PPP1R12B: variants seen among roughly 807,000 people sequenced by gnomAD.
PPP1R12B encodes protein phosphatase 1 regulatory subunit 12B, also known as myosin phosphatase target subunit 2.
In PPP1R12B, 76 loss-of-function variants were observed where a neutral mutation model predicts 126.1. That is an observed-to-expected ratio of 0.60 (90% CI 0.50 to 0.73). The LOEUF (loss-of-function observed/expected upper bound fraction) is 0.73. Ranked by LOEUF, PPP1R12B falls within the 30% of genes least tolerant of loss-of-function variation. The pLI, the probability that PPP1R12B is intolerant of heterozygous loss-of-function variation, is 0.00. For missense variants in PPP1R12B, 1,052 were observed against 1,205.1 expected, an observed-to-expected ratio of 0.87 and a Z score of 1.88; for synonymous variants, 356 against 434.7, an observed-to-expected ratio of 0.82 and a Z score of 2.25.
chr1:202,563,091 T>G (rs577822048), intron 20 of PPP1R12B, among the ~76,000 whole-genome samples, 169 bp downstream of exon 20: 8 of 152,286 alleles, frequency 5.3e-5, no homozygotes, highest in African/African-American at 1.9e-4. Flanking sequence ...TCCAAAAAAC[T>G]AGATAAAGAC....
Position 202,589,118 on chromosome 1 carries a change from A to G in PPP1R12B, c.*8558A>G, listed in dbSNP as rs1211980459. On this transcript the variant is annotated 3_prime_UTR_variant, in exon 24 of 24. Coordinates refer to ENST00000608999, the MANE Select transcript of PPP1R12B (RefSeq NM_002481.4). ...CATTGTTTAATTCAGGAGATCCAAA[A>G]CTATCCTGTAGTTCCAAACTACAAA... is the stretch of plus-strand genomic sequence containing the variant. 1 of 152,162 alleles carries G rather than the reference A, an allele frequency of 6.6e-6. No individual in the cohort carries two copies. The highest frequency in any genetic ancestry group is 6.5e-5 in the Admixed American group (1 of 15,282). 9.4% of individuals were successfully genotyped at this position (152,162 alleles called of 1,614,324 possible). A position where few individuals can be genotyped will look rare whatever the true frequency, so the allele number is the denominator to read the frequency against.
In PPP1R12B at chr1:202,442,588, G is replaced by C. The variant is rs372485079; in HGVS notation, c.1667+16G>C. ...ACTTGAAAAGGTACCAGGCTCAAAG[G>C]GGGTGGGAGATGTTTCTTTCACTCT... On this transcript the variant is annotated intron_variant, in intron 12 of 23. Transcript: ENST00000608999. The C allele has an allele frequency of 1.7e-5, 28 of 1,600,804 alleles. No homozygotes were observed. The highest frequency in any genetic ancestry group is 2.7e-5 in the African/African-American group (2 of 74,428).
At chr1:202,470,917 A>AAG (rs1675780409) in intron 13 of PPP1R12B, among the ~76,000 whole-genome samples, 1 of 117,108 alleles carries the variant, frequency 8.5e-6, no homozygotes, top group African/African-American at 2.7e-5. Context: ...AAAAAAAAAA[A>AAG]AAAATGAACA....
chr1:202,362,475 C>T (rs931912491), intron 1 of PPP1R12B, among the ~76,000 whole-genome samples: 3 of 152,094 alleles, frequency 2.0e-5, no homozygotes, highest in Admixed American at 6.5e-5. Flanking sequence ...TCACAATTGC[C>T]GTACAGGGCT....
chr1:202,405,424 T>C (rs1377449219), intron 1 of PPP1R12B, among the ~76,000 whole-genome samples: 2 of 152,204 alleles, frequency 1.3e-5, no homozygotes, highest in Admixed American at 1.3e-4. Context: ...ATTACTTATA[T>C]AGAACTATAT....
intron 1 of PPP1R12B, among the ~76,000 whole-genome samples, chr1:202,376,312 A>C (rs1661169782): frequency 6.6e-6 from 1 of 152,224 alleles, no homozygotes; most frequent in Admixed American, 6.5e-5. Context: ...GACCAAGAGA[A>C]CTAGAAGGAG....
chr1:202,472,099 G>C, intron 13 of PPP1R12B: 3 of 1,575,768 alleles, frequency 1.9e-6, no homozygotes, highest in East Asian at 2.2e-5. Flanking sequence ...GGATGAAGGA[G>C]ATCCTTTGTG....
intron 2 of PPP1R12B, chr1:202,417,390 G>C: frequency 2.0e-6 from 2 of 985,424 alleles, no homozygotes; most frequent in Non-Finnish European, 2.4e-6. Flanking sequence ...TAAACATGTG[G>C]AACAAAGGAA....
intron 4 of PPP1R12B, among the ~76,000 whole-genome samples, chr1:202,426,027 C>T (rs1048902916): frequency 6.6e-6 from 1 of 152,198 alleles, no homozygotes; most frequent in Non-Finnish European, 1.5e-5. Flanking sequence ...GCAACGACCT[C>T]TTCTTGTGAC....
intron 13 of PPP1R12B, among the ~76,000 whole-genome samples, chr1:202,487,823 G>C (rs542938652): frequency 6.6e-6 from 1 of 152,168 alleles, no homozygotes; most frequent in South Asian, 2.1e-4. Context: ...GGTCAGGTTG[G>C]TCTCCTACTC....
intron 12 of PPP1R12B, among the ~76,000 whole-genome samples, chr1:202,443,567 G>C (rs936740779): frequency 6.6e-6 from 1 of 152,176 alleles, no homozygotes; most frequent in African/African-American, 2.4e-5. Context: ...TATAAGAAAG[G>C]GCTCAACTTT....
chr1:202,350,814 T>C (rs1048840640), intron 1 of PPP1R12B, among the ~76,000 whole-genome samples: 3 of 151,982 alleles, frequency 2.0e-5, no homozygotes, highest in Non-Finnish European at 2.9e-5. Flanking sequence ...AGAGATGGGC[T>C]TTCACCATGA....
intron 8 of PPP1R12B, among the ~76,000 whole-genome samples, chr1:202,431,916 T>C (rs1670237993): frequency 6.6e-6 from 1 of 152,154 alleles, no homozygotes; most frequent in Admixed American, 6.5e-5. Context: ...TGCTTTAAGT[T>C]CAAGACAGCT....
chr1:202,489,695 G>A (rs1230072144), intron 14 of PPP1R12B, among the ~76,000 whole-genome samples: 2 of 152,172 alleles, frequency 1.3e-5, no homozygotes, highest in Admixed American at 6.5e-5. Flanking sequence ...TGCCAGGGCT[G>A]GGGGGAAGGC....
At chr1:202,564,667 A>G in intron 21 of PPP1R12B, 120 bp downstream of exon 21, 4 of 692,436 alleles carry the variant, frequency 5.8e-6, no homozygotes, top group Admixed American at 5.8e-5. Context: ...TCTCGGGGCA[A>G]TGAGATAGAA....
At chr1:202,471,575 GTTTTT>G (rs71142533) in intron 13 of PPP1R12B, among the ~76,000 whole-genome samples, 1 of 113,686 alleles carries the variant, frequency 8.8e-6, no homozygotes, top group African/African-American at 3.4e-5. Flanking sequence ...GACTTAAAAT[GTTTTT>G]TTTTTTTTTT....
chr1:202,572,467 G>T (rs1455381506), intron 23 of PPP1R12B, among the ~76,000 whole-genome samples: 1 of 152,244 alleles, frequency 6.6e-6, no homozygotes, highest in African/African-American at 2.4e-5. Flanking sequence ...TGGCTCTGTG[G>T]TTATGAGATG....
intron 10 of PPP1R12B, chr1:202,438,875 C>A: frequency 7.4e-7 from 1 of 1,355,196 alleles, no homozygotes; most frequent in Non-Finnish European, 1.1e-6. Context: ...GCTATAGCCC[C>A]CAGGGCAGGA....
In PPP1R12B at chr1:202,442,410, G is replaced by A. The variant is rs201845618; in HGVS notation, c.1542-37G>A. On this transcript the variant is annotated intron_variant, in intron 11 of 23. Coordinates refer to ENST00000608999, the MANE Select transcript of PPP1R12B (RefSeq NM_002481.4). ...GTATCATGGACAAAAACTGGTGGTA[G>A]GAATCAGTGTTTTGTTTTCCTTTCA... 1.0e-4 allele frequency: 165 copies of A among 1,590,466 alleles called. No homozygotes were observed. In the African/African-American group the frequency reaches 2.2e-3, roughly 21 times the overall value.
Sources: gnomAD v4.1 joint callset for allele counts (sites outside exome capture counted in the v4.1 genomes callset) on GRCh38, gnomAD v4.1.1 for gene constraint, MANE v1.5 for transcripts, NCBI Gene and HGNC (gene_info 2026-07-23, HGNC 2026-07-21) for gene names.